The following FSTL5 variants were observed in gnomAD, a reference collection of about 807,000 sequenced individuals.
FSTL5 encodes the protein follistatin like 5, also known as follistatin-related protein 5.
In FSTL5, 62 loss-of-function variants were observed where a neutral mutation model predicts 89.1. The ratio of observed to expected loss-of-function variants is 0.70; its 90% CI spans 0.57 to 0.86. The LOEUF is 0.86. Among genes scored for constraint, FSTL5 ranks in the 40% least tolerant of loss-of-function variants. The probability of loss-of-function intolerance (pLI) is 0.00; values close to 1 mark genes in which losing one functional copy is unlikely to be tolerated. For synonymous variants in FSTL5, 383 were observed against 346.2 expected, an observed-to-expected ratio of 1.11 and a Z score of -1.18; for missense variants, 1,057 against 1,001.6, an observed-to-expected ratio of 1.06 and a Z score of -0.75.
chr4:162,061,198 T>G (rs535026481), intron 2 of FSTL5, among the ~76,000 whole-genome samples: 1 of 152,040 alleles, frequency 6.6e-6, no homozygotes, highest in Non-Finnish European at 1.5e-5. Context: ...TAATAGGAGA[T>G]AGGTTGAGAG....
intron 10 of FSTL5, among the ~76,000 whole-genome samples, chr4:161,511,497 A>G (rs4541464): frequency 0.8 from 121,246 of 152,066 alleles, 48,590 homozygotes; most frequent in Non-Finnish European, 0.84. Context: ...TTCTTGTGCC[A>G]GCAGTGCACT....
chr4:161,582,606 A>C (rs902494525), intron 8 of FSTL5, among the ~76,000 whole-genome samples: 1 of 152,210 alleles, frequency 6.6e-6, no homozygotes, highest in Non-Finnish European at 1.5e-5. Context: ...TACCAATTTT[A>C]GGGCTGTGGT....
chr4:161,598,071 T>C (rs1008915542), intron 7 of FSTL5, among the ~76,000 whole-genome samples: 16 of 152,114 alleles, frequency 1.1e-4, no homozygotes, highest in Non-Finnish European at 1.0e-4. Context: ...CAATTTCAAT[T>C]AATAAAAATC....
chr4:161,676,383 C>G (rs1441114857), intron 6 of FSTL5, among the ~76,000 whole-genome samples: 3 of 152,038 alleles, frequency 2.0e-5, no homozygotes, highest in Non-Finnish European at 2.9e-5. Context: ...AGCCATCATT[C>G]TCAGCAAACT....
intron 6 of FSTL5, among the ~76,000 whole-genome samples, chr4:161,731,369 G>A (rs1187376241): frequency 6.6e-6 from 1 of 152,010 alleles, no homozygotes; most frequent in Admixed American, 6.6e-5. Flanking sequence ...GTTGGGCGAG[G>A]GGCCTAATGG....
At chr4:161,862,359 C>A (rs941621391) in intron 4 of FSTL5, among the ~76,000 whole-genome samples, 8 of 152,098 alleles carry the variant, frequency 5.3e-5, no homozygotes, top group African/African-American at 1.9e-4. Context: ...ACATCACTAC[C>A]AAAATTAGGC....
At chr4:162,079,669 T>C (rs1285847928) in intron 2 of FSTL5, among the ~76,000 whole-genome samples, 1 of 151,478 alleles carries the variant, frequency 6.6e-6, no homozygotes, top group Non-Finnish European at 1.5e-5. Flanking sequence ...CAAAGTACTT[T>C]AGTTTGCAAA....
At chr4:161,848,533 A>C (rs1693667513) in intron 4 of FSTL5, among the ~76,000 whole-genome samples, 1 of 152,176 alleles carries the variant, frequency 6.6e-6, no homozygotes, top group Admixed American at 6.6e-5. Context: ...GTAAAGTTTC[A>C]GGAAATTAAT....
chr4:161,723,279 T>C (rs1739278834), intron 6 of FSTL5, among the ~76,000 whole-genome samples: 1 of 152,146 alleles, frequency 6.6e-6, no homozygotes. Flanking sequence ...CTTACACTAA[T>C]AAGAAATTTG....
intron 3 of FSTL5, among the ~76,000 whole-genome samples, chr4:161,953,260 T>C (rs1445437891): frequency 6.6e-6 from 1 of 151,672 alleles, no homozygotes; most frequent in Non-Finnish European, 1.5e-5. Context: ...ACTTCAAGAA[T>C]AGTACTGAAT....
chr4:161,462,548 C>T (rs1733617918), intron 13 of FSTL5, among the ~76,000 whole-genome samples: 1 of 152,050 alleles, frequency 6.6e-6, no homozygotes. Flanking sequence ...AATAATAGTA[C>T]CTTGGGAAGT....
At position 161,837,978 on chromosome 4, in the gene FSTL5, C is replaced by T. The variant is rs199843886; in HGVS notation, c.410-61904G>A. 2.6e-5 allele frequency among the ~76,000 whole-genome samples: 4 copies of T among 152,086 alleles called. No individual in the cohort carries two copies. In the East Asian group the frequency reaches 7.7e-4, roughly 29 times the overall value. The stretch of plus-strand genomic sequence containing the variant: ...AATGTTCACCATTTGACTTAACGGG[C>T]TTCTATGCTTAAACAGCTGACTTTA... On this transcript the variant is annotated intron_variant, in intron 4 of 15. Transcript: ENST00000306100.
chr4:161,674,538 C>G (rs998840804), intron 6 of FSTL5, among the ~76,000 whole-genome samples: 2 of 152,070 alleles, frequency 1.3e-5, no homozygotes. Context: ...AAAAACACTC[C>G]AAGACTCAAC....
At chr4:161,715,349 A>G (rs1372970386) in intron 6 of FSTL5, among the ~76,000 whole-genome samples, 4 of 152,130 alleles carry the variant, frequency 2.6e-5, no homozygotes, top group African/African-American at 9.7e-5. Context: ...CTACTGCCCA[A>G]ATGTTTGATA....
intron 7 of FSTL5, among the ~76,000 whole-genome samples, chr4:161,632,695 T>C (rs1268618956): frequency 6.6e-6 from 1 of 152,216 alleles, no homozygotes; most frequent in Non-Finnish European, 1.5e-5. Flanking sequence ...CTGTGTTTTT[T>C]AGAAGGTGAA....
intron 13 of FSTL5, among the ~76,000 whole-genome samples, chr4:161,472,914 G>A (rs866011198): frequency 6.6e-6 from 1 of 151,828 alleles, no homozygotes; most frequent in African/African-American, 2.4e-5. Context: ...TAGTAGAGAC[G>A]GGGTTTCACC....
intron 3 of FSTL5, among the ~76,000 whole-genome samples, chr4:161,929,467 A>G (rs950817639): frequency 6.6e-6 from 1 of 151,756 alleles, no homozygotes; most frequent in Non-Finnish European, 1.5e-5. Flanking sequence ...TTTGCCATAT[A>G]AACTTTAGAA....
intron 3 of FSTL5, chr4:162,032,670 A>G (rs1737582604): frequency 6.6e-6 from 1 of 152,164 alleles, no homozygotes; most frequent in African/African-American, 2.4e-5. Flanking sequence ...TTCTATTTGG[A>G]CTTGTTATAA....
At chr4:162,059,285 C>G (rs966619260) in intron 2 of FSTL5, among the ~76,000 whole-genome samples, 1 of 152,082 alleles carries the variant, frequency 6.6e-6, no homozygotes, top group African/African-American at 2.4e-5. Flanking sequence ...AATTGATAGT[C>G]AAAAATTTTC....
Sources: gnomAD v4.1 joint callset for allele counts (sites outside exome capture counted in the v4.1 genomes callset) on GRCh38, gnomAD v4.1.1 for gene constraint, MANE v1.5 for transcripts, NCBI Gene and HGNC (gene_info 2026-07-23, HGNC 2026-07-21) for gene names.